ANO4: variants seen among roughly 807,000 people sequenced by gnomAD.
ANO4 encodes anoctamin-4.
In ANO4, 69 loss-of-function variants were observed where a neutral mutation model predicts 141.9. The observed-to-expected ratio is 0.49, with a 90% confidence interval of 0.40 to 0.59. The LOEUF (loss-of-function observed/expected upper bound fraction) is 0.59, where lower values mean the gene tolerates loss of function less well. Ranked by LOEUF, ANO4 falls within the 20% of genes least tolerant of loss-of-function variation. The pLI is 0.00. For missense variants in ANO4, 894 were observed against 1,162.2 expected (o/e 0.77, Z 3.36); for synonymous variants, 350 against 394.3 (o/e 0.89, Z 1.33).
chr12:100,721,032 T>A (rs191283793), intron 1 of ANO4, among the ~76,000 whole-genome samples: 1 of 152,278 alleles, frequency 6.6e-6, no homozygotes, highest in African/African-American at 2.4e-5. Flanking sequence ...TCCCATGACT[T>A]CATCTTTATT....
At chr12:101,096,771 A>G in intron 19 of ANO4, 124 bp downstream of exon 19, 1 of 707,650 alleles carries the variant, frequency 1.4e-6, no homozygotes, top group South Asian at 1.8e-5. Flanking sequence ...AGGGAAGAGC[A>G]TCCTCCTCCC....
chr12:100,732,883 G>A (rs1051011328), intron 1 of ANO4, among the ~76,000 whole-genome samples: 1 of 152,156 alleles, frequency 6.6e-6, no homozygotes, highest in Non-Finnish European at 1.5e-5. Flanking sequence ...GCACCTGTGA[G>A]GCTTTGATTT....
At chr12:100,777,267 ATCTTTTT>A (rs2033551588) in intron 3 of ANO4, among the ~76,000 whole-genome samples, 1 of 51,512 alleles carries the variant, frequency 1.9e-5, no homozygotes, top group Non-Finnish European at 4.0e-5. Context: ...TAATTTTTGT[ATCTTTTT>A]TTTTTTTTTT....
At chr12:100,950,564 G>T (rs892093211) in intron 5 of ANO4, among the ~76,000 whole-genome samples, 2 of 152,140 alleles carry the variant, frequency 1.3e-5, no homozygotes, top group Non-Finnish European at 2.9e-5. Context: ...GATGGGTGGG[G>T]CAATCTCAGG....
intron 25 of ANO4, among the ~76,000 whole-genome samples, chr12:101,119,665 T>A (rs1403707322): frequency 6.6e-6 from 1 of 152,096 alleles, no homozygotes; most frequent in East Asian, 1.9e-4. Context: ...TCTATAAAGT[T>A]CAAAAACAAA....
intron 14 of ANO4, among the ~76,000 whole-genome samples, chr12:101,063,215 C>G (rs1325062623): frequency 6.6e-6 from 1 of 152,152 alleles, no homozygotes; most frequent in African/African-American, 2.4e-5. Flanking sequence ...TGGGCTGTAC[C>G]CACTGTCTAA....
At chr12:100,992,192 G>A (rs556480766) in intron 8 of ANO4, among the ~76,000 whole-genome samples, 7 of 152,316 alleles carry the variant, frequency 4.6e-5, no homozygotes, top group African/African-American at 1.2e-4. Context: ...ACTGCATGGT[G>A]TCTTCAAAAT....
intron 26 of ANO4, 115 bp downstream of exon 26, chr12:101,120,740 A>G (rs1468363832): frequency 1.0e-5 from 8 of 780,940 alleles, no homozygotes; most frequent in Non-Finnish European, 1.7e-5. Context: ...TTCCAGAAGT[A>G]GTAGTGTCAT....
chr12:100,911,323 G>A (rs1257065798), intron 2 of ANO4, among the ~76,000 whole-genome samples: 2 of 152,102 alleles, frequency 1.3e-5, no homozygotes, highest in Non-Finnish European at 1.5e-5. Flanking sequence ...TATTTAATGT[G>A]CTATTACTTT....
chr12:100,774,001 A>T (rs1007774874), intron 3 of ANO4, among the ~76,000 whole-genome samples: 2 of 152,208 alleles, frequency 1.3e-5, no homozygotes, highest in African/African-American at 4.8e-5. Context: ...GGCTACTTTC[A>T]TGCTACAATG....
chr12:100,948,237 A>G (rs914300400), intron 5 of ANO4, among the ~76,000 whole-genome samples: 6 of 151,862 alleles, frequency 4.0e-5, no homozygotes, highest in African/African-American at 1.5e-4. Context: ...TAAAGGAACA[A>G]GGAAAATTGG....
At chr12:100,717,513 G>C (rs2030654607), upstream of ANO4, 1 of 399,134 alleles carries the variant, frequency 2.5e-6, no homozygotes, top group Non-Finnish European at 4.4e-6. Context: ...GTCTGGGCAG[G>C]ACGCGGGCCA....
chr12:100,746,356 G>A (rs2032101962), intron 3 of ANO4, among the ~76,000 whole-genome samples: 2 of 151,696 alleles, frequency 1.3e-5, no homozygotes, highest in South Asian at 4.2e-4. Flanking sequence ...GGGAAATTGA[G>A]GCATAAGAAT....
At chr12:100,863,942 A>G (rs533978580) in intron 1 of ANO4, among the ~76,000 whole-genome samples, 1 of 152,320 alleles carries the variant, frequency 6.6e-6, no homozygotes, top group African/African-American at 2.4e-5. Flanking sequence ...GCAAAAGAAA[A>G]TTCCTTCAGG....
intron 2 of ANO4, among the ~76,000 whole-genome samples, chr12:100,738,340 T>C (rs973551564): frequency 6.6e-6 from 1 of 152,208 alleles, no homozygotes; most frequent in Non-Finnish European, 1.5e-5. Flanking sequence ...GCTTCATTGT[T>C]GCTTTTAAAT....
intron 1 of ANO4, among the ~76,000 whole-genome samples, chr12:100,853,047 T>C (rs2037964555): frequency 6.6e-6 from 1 of 152,214 alleles, no homozygotes; most frequent in Non-Finnish European, 1.5e-5. Flanking sequence ...TGATGACTAA[T>C]GAAGTAGAGG....
chr12:100,837,367 C>T (rs1030444074), intron 1 of ANO4, among the ~76,000 whole-genome samples: 3 of 152,128 alleles, frequency 2.0e-5, no homozygotes, highest in African/African-American at 7.2e-5. Flanking sequence ...CAAGGTCACA[C>T]GGCTAATAAG....
intron 8 of ANO4, among the ~76,000 whole-genome samples, chr12:100,990,428 G>T (rs963632554): frequency 1.3e-5 from 2 of 152,060 alleles, no homozygotes; most frequent in African/African-American, 4.8e-5. Context: ...TCATATTTTT[G>T]GAAGTATTTA....
At chr12:101,042,291 A>G (rs1401205765) in intron 11 of ANO4, 43 bp from the exon 12 acceptor site, 1 of 1,611,490 alleles carries the variant, frequency 6.2e-7, no homozygotes, top group Non-Finnish European at 8.5e-7. Context: ...GCTTAACTTT[A>G]CACACTGCAC....
Sources: gnomAD v4.1 joint callset for allele counts (sites outside exome capture counted in the v4.1 genomes callset) on GRCh38, gnomAD v4.1.1 for gene constraint, MANE v1.5 for transcripts, NCBI Gene and HGNC (gene_info 2026-07-23, HGNC 2026-07-21) for gene names.